The following HIP1 variants were observed in gnomAD, a reference collection of about 807,000 sequenced individuals.
HIP1 encodes the protein huntingtin-interacting protein 1.
In HIP1, 65 loss-of-function variants were observed where a neutral mutation model predicts 147.6. The observed-to-expected ratio is 0.44, with a 90% CI of 0.36 to 0.54. The LOEUF is 0.54. Ranked by LOEUF, HIP1 falls within the 20% of genes least tolerant of loss-of-function variation. The pLI, the probability that HIP1 is intolerant of heterozygous loss-of-function variation, is 0.00. For synonymous variants in HIP1, 479 were observed against 504.0 expected (o/e 0.95, Z 0.67); for missense variants, 1,061 against 1,299.6 (o/e 0.82, Z 2.82).
intron 1 of HIP1, among the ~76,000 whole-genome samples, chr7:75,701,135 T>C (rs1234591054): frequency 6.6e-6 from 1 of 152,166 alleles, no homozygotes; most frequent in Non-Finnish European, 1.5e-5. Context: ...ACATGCTACC[T>C]GTAATCCTGG....
intron 1 of HIP1, among the ~76,000 whole-genome samples, chr7:75,659,830 A>G (rs1454954543): frequency 4.0e-5 from 6 of 151,808 alleles, no homozygotes; most frequent in African/African-American, 1.5e-4. Flanking sequence ...AGGGATGTAA[A>G]ATAACTCAGG....
intron 1 of HIP1, among the ~76,000 whole-genome samples, chr7:75,642,881 C>T (rs1416410468): frequency 6.6e-6 from 1 of 152,206 alleles, no homozygotes; most frequent in Admixed American, 6.5e-5. Context: ...TGAGCAAACT[C>T]AGGCCAAAGT....
intron 1 of HIP1, among the ~76,000 whole-genome samples, chr7:75,684,174 C>T (rs140374826): frequency 8.6e-5 from 13 of 151,820 alleles, no homozygotes; most frequent in African/African-American, 9.7e-5. Context: ...AGGCTGGGCA[C>T]GATGACTCAC....
intron 2 of HIP1, 128 bp from the exon 3 acceptor site, chr7:75,592,642 G>A (rs1584849205): frequency 1.1e-6 from 1 of 944,826 alleles, no homozygotes; most frequent in Non-Finnish European, 1.5e-6. Flanking sequence ...GCTGCACCCA[G>A]CCACTGCAGG....
intron 7 of HIP1, among the ~76,000 whole-genome samples, chr7:75,578,272 A>G (rs1554498058): frequency 6.6e-6 from 1 of 152,202 alleles, no homozygotes; most frequent in East Asian, 1.9e-4. Context: ...GGTGAGAGCC[A>G]TGGGGAGAGA....
chr7:75,671,192 C>T (rs1554515263), intron 1 of HIP1, among the ~76,000 whole-genome samples: 2 of 152,094 alleles, frequency 1.3e-5, no homozygotes, highest in Non-Finnish European at 2.9e-5. Flanking sequence ...CTCCCGGGTT[C>T]GAGTGATTCT....
intron 21 of HIP1, 66 bp downstream of exon 21, chr7:75,554,047 A>C: frequency 7.9e-7 from 1 of 1,263,118 alleles, no homozygotes; most frequent in Non-Finnish European, 1.1e-6. Context: ...GCCCGGCCCA[A>C]CAGAGACTTT....
At chr7:75,713,733 G>GC (rs1554520305) in intron 1 of HIP1, among the ~76,000 whole-genome samples, 6 of 148,676 alleles carry the variant, frequency 4.0e-5, no homozygotes, top group Non-Finnish European at 7.4e-5. Context: ...GTCTCGCTCT[G>GC]TTGCCCAGGC....
intron 1 of HIP1, among the ~76,000 whole-genome samples, chr7:75,670,824 G>A (rs1474799076): frequency 2.4e-5 from 3 of 123,570 alleles, no homozygotes; most frequent in African/African-American, 9.6e-5. Flanking sequence ...GTCTTGCTAT[G>A]TATCCCAGGC....
intron 22 of HIP1, among the ~76,000 whole-genome samples, chr7:75,551,954 AT>A (rs1430422529): frequency 4.0e-5 from 6 of 151,262 alleles, no homozygotes; most frequent in African/African-American, 1.5e-4. Flanking sequence ...CAAAGGCACG[AT>A]CTTAGCTCAC....
At chr7:75,619,194 T>C (rs1178986265) in intron 1 of HIP1, among the ~76,000 whole-genome samples, 1 of 152,006 alleles carries the variant, frequency 6.6e-6, no homozygotes, top group Non-Finnish European at 1.5e-5. Flanking sequence ...CAGAAGAACA[T>C]TGTATGTCAG....
At chr7:75,622,998 GAC>G (rs1237891444) in intron 1 of HIP1, among the ~76,000 whole-genome samples, 1 of 151,788 alleles carries the variant, frequency 6.6e-6, no homozygotes, top group Non-Finnish European at 1.5e-5. Flanking sequence ...AGGAGTTTGA[GAC>G]CAGCCTGACC....
At chr7:75,616,550 G>A (rs62478488) in intron 1 of HIP1, among the ~76,000 whole-genome samples, 6,359 of 150,614 alleles carry the variant, frequency 0.042, 173 homozygotes, top group Non-Finnish European at 0.067. Flanking sequence ...TGGAATTACC[G>A]GCGCTAGCCA....
At chr7:75,595,946 T>C (rs1796725632) in intron 2 of HIP1, among the ~76,000 whole-genome samples, 1 of 152,076 alleles carries the variant, frequency 6.6e-6, no homozygotes, top group Non-Finnish European at 1.5e-5. Context: ...GACCTGATAA[T>C]AGATAAATGC....
chr7:75,700,270 C>G (rs1222773180), intron 1 of HIP1, among the ~76,000 whole-genome samples: 1 of 152,148 alleles, frequency 6.6e-6, no homozygotes, highest in South Asian at 2.1e-4. Context: ...ACCATGAGCC[C>G]GTCAGCTCTT....
intron 1 of HIP1, among the ~76,000 whole-genome samples, chr7:75,703,414 C>A (rs181288460): frequency 6.6e-6 from 1 of 152,238 alleles, no homozygotes; most frequent in African/African-American, 2.4e-5. Flanking sequence ...GAAGCCGAGG[C>A]AGGCAGATCA....
intron 30 of HIP1, among the ~76,000 whole-genome samples, chr7:75,538,910 C>T (rs1189303551): frequency 6.6e-6 from 1 of 152,122 alleles, no homozygotes; most frequent in Non-Finnish European, 1.5e-5. Context: ...GCAATTGTTG[C>T]CCTTCACTGG....
At chr7:75,699,307 T>G (rs1412894105) in intron 1 of HIP1, among the ~76,000 whole-genome samples, 1 of 152,186 alleles carries the variant, frequency 6.6e-6, no homozygotes, top group Non-Finnish European at 1.5e-5. Flanking sequence ...ACAAACTAGT[T>G]GCTGATATAC....
At chr7:75,550,548 G>A (rs10237831) in intron 22 of HIP1, among the ~76,000 whole-genome samples, 20,440 of 152,092 alleles carry the variant, frequency 0.13, 2,681 homozygotes, top group African/African-American at 0.34. Context: ...GAGTAGCTGG[G>A]ACAACGGGCA....
Sources: gnomAD v4.1 joint callset for allele counts (sites outside exome capture counted in the v4.1 genomes callset) on GRCh38, gnomAD v4.1.1 for gene constraint, MANE v1.5 for transcripts, NCBI Gene and HGNC (gene_info 2026-07-23, HGNC 2026-07-21) for gene names.